The following TUT1 variants were observed in gnomAD, a reference collection of about 807,000 sequenced individuals.
TUT1 encodes the protein speckle targeted PIP5K1A-regulated poly(A) polymerase.
In TUT1, 26 loss-of-function variants were observed where a neutral mutation model predicts 48.8. That is an observed-to-expected ratio of 0.53 (90% CI 0.39 to 0.74). The LOEUF (loss-of-function observed/expected upper bound fraction) is 0.74, where lower values mean the gene tolerates loss of function less well. Ranked by LOEUF, TUT1 falls within the 30% of genes least tolerant of loss-of-function variation. The probability of loss-of-function intolerance (pLI) is 0.00; values close to 1 mark genes in which losing one functional copy is unlikely to be tolerated. For missense variants in TUT1, 1,065 were observed against 1,114.8 expected (o/e 0.96, Z 0.64); for synonymous variants, 470 against 460.8 (o/e 1.02, Z -0.26).
At chr11:62,582,608 G>A in intron 2 of TUT1, 1 of 455,124 alleles carries the variant, frequency 2.2e-6, no homozygotes, top group Non-Finnish European at 4.4e-6. Context: ...TCAAAAAAAA[G>A]TAGAAAAACA....
Position 62,581,216 on chromosome 11 carries a change from G to C in TUT1, c.590-10C>G. ...GGGTGGACCACACAGCCTGGGTGCC[G>C]AGCAGAGAAGAAAGGTCAAGAGAAG... On this transcript the variant is annotated splice_polypyrimidine_tract_variant and intron_variant, in intron 3 of 8. Transcript: ENST00000476907. 2 of 1,612,942 alleles carry C rather than the reference G, an allele frequency of 1.2e-6. No individual in the cohort carries two copies. The highest frequency in any genetic ancestry group is 1.7e-6 in the Non-Finnish European group (2 of 1,179,150).
At chr11:62,576,779 CTG>C (rs914212746) in intron 7 of TUT1, 30 bp from the exon 8 acceptor site, 3 of 1,612,748 alleles carry the variant, frequency 1.9e-6, no homozygotes, top group Non-Finnish European at 2.5e-6. Flanking sequence ...GAGAGTCAGT[CTG>C]GAAGCAAGGA....
chr11:62,582,225 G>A (rs1202505038), intron 2 of TUT1, among the ~76,000 whole-genome samples: 9 of 151,754 alleles, frequency 5.9e-5, no homozygotes, highest in Non-Finnish European at 1.0e-4. Context: ...TCCTAAACTC[G>A]GCCTCCTAAA....
Position 62,575,830 on chromosome 11 carries a change from G to A in TUT1, c.1889C>T (p.Ala630Val). The change falls in exon 9 of 9, where the codon GCA (alanine) becomes GTA (valine). Residue 630 changes from alanine (A) to valine (V), a missense_variant. Ala to Val is a moderately conservative substitution (Grantham distance 64). Coordinates refer to ENST00000476907, the MANE Select transcript of TUT1 (RefSeq NM_022830.3). ...TGCCTGTTCTATATGGCACCCCAGT[G>A]CTTCCCTGAATACCTGCACCAGGGC... The part of the protein sequence containing the change: ...TAALVQVFRE[A>V]LGCHIEQATK... 1 of 1,614,194 alleles carries A rather than the reference G, an allele frequency of 6.2e-7. No individual in the cohort carries two copies. Among genetic ancestry groups the A allele is most frequent in the Non-Finnish European group, 8.5e-7 (1 of 1,180,040 alleles).
Position 62,575,364 on chromosome 11 carries a change from C to G in TUT1, c.2355G>C (p.Leu785Phe). 8 of 1,613,740 alleles carry G rather than the reference C, an allele frequency of 5.0e-6. No individual in the cohort carries two copies. The South Asian group carries it at 8.8e-5, about 18-fold the overall frequency. Reference protein sequence around the residue: ...WQGRRRARRRLQQQTKEGAGG... With the variant: ...WQGRRRARRRFQQQTKEGAGG... ...CAGCTCCCTCCTTGGTTTGCTGCTGCAAGCGTCTACGGGCTCGCCGCCGCC... is the reference window on the plus strand; with the variant it reads ...CAGCTCCCTCCTTGGTTTGCTGCTGGAAGCGTCTACGGGCTCGCCGCCGCC... The change falls in exon 9 of 9, where the codon TTG becomes TTC. Residue 785 changes from leucine (L) to phenylalanine (F), a missense_variant. By Grantham distance (22) the Leu-to-Phe change is conservative (BLOSUM62 0). Coordinates refer to ENST00000476907, the MANE Select transcript of TUT1 (RefSeq NM_022830.3).
Position 62,576,992 on chromosome 11 carries a change from G to A in TUT1, c.1296C>T (p.Tyr432=), listed in dbSNP as rs376013406. Residue 432 remains tyrosine (Y), a synonymous_variant, in exon 7 of 9, where the codon TAC becomes TAT. Transcript: ENST00000476907. ...AATAGATCACCAGCAAGGTCAGGGC[G>A]TAGTTACTGAGAAGGGGGCCACTCC... ...LSGSGPLLSN[Y]ALTLLVIYFL... is the part of the protein sequence containing the mutation. 9.5e-5 allele frequency: 154 copies of A among 1,614,088 alleles called. No individual in the cohort carries two copies. The highest frequency in any genetic ancestry group is 2.2e-4 in the East Asian group (10 of 44,886).
Position 62,589,060 on chromosome 11 carries a change from C to T in TUT1, c.244G>A (p.Val82Met). Residue 82 changes from valine (V) to methionine (M), a missense_variant, in exon 2 of 9, where the codon GTG becomes ATG. Transcript: ENST00000476907. ...TCCTTGTCCATGACAACACTGGCCACAGGTCCAAATGCTAGGAAGTACTCA... is the reference window on the plus strand; with the variant it reads ...TCCTTGTCCATGACAACACTGGCCATAGGTCCAAATGCTAGGAAGTACTCA... Reference protein sequence around the residue: ...LSEYFLAFGPVASVVMDKDKG... With the variant: ...LSEYFLAFGPMASVVMDKDKG... 6.2e-7 allele frequency: 1 copy of T among 1,613,938 alleles called. No homozygotes were observed. Among genetic ancestry groups the T allele is most frequent in the Non-Finnish European group, 8.5e-7 (1 of 1,179,890 alleles).
chr11:62,585,118 G>C (rs771449467), intron 2 of TUT1, among the ~76,000 whole-genome samples: 8 of 151,830 alleles, frequency 5.3e-5, no homozygotes, highest in Non-Finnish European at 1.0e-4. Context: ...CACCTGGCCC[G>C]GCCACACCCT....
intron 2 of TUT1, among the ~76,000 whole-genome samples, chr11:62,588,054 CTTAA>C (rs1009420186): frequency 2.0e-5 from 3 of 152,206 alleles, no homozygotes; most frequent in Admixed American, 6.5e-5. Context: ...ACTATAATTA[CTTAA>C]TTGTTTACTT....
At chr11:62,590,918 A>G (rs186998606) in intron 1 of TUT1, among the ~76,000 whole-genome samples, 39 of 151,962 alleles carry the variant, frequency 2.6e-4, no homozygotes, top group African/African-American at 9.4e-4. Context: ...CCTCACTGGT[A>G]CCTTATGGTC....
chr11:62,578,469 T>C (rs1941766717), intron 5 of TUT1, 92 bp downstream of exon 5: 2 of 1,227,030 alleles, frequency 1.6e-6, no homozygotes, highest in East Asian at 5.0e-5. Flanking sequence ...CACTTCAACC[T>C]GGGAGGCAGA....
intron 1 of TUT1, among the ~76,000 whole-genome samples, chr11:62,590,530 G>A (rs1381822455): frequency 6.6e-6 from 1 of 152,178 alleles, no homozygotes; most frequent in East Asian, 1.9e-4. Context: ...CCGGCTACAC[G>A]GGAGGCTGAG....
At chr11:62,577,378 G>A in intron 5 of TUT1, 87 bp from the exon 6 acceptor site, 1 of 1,018,630 alleles carries the variant, frequency 9.8e-7, no homozygotes, top group South Asian at 1.4e-5. Context: ...TGCATAACTG[G>A]AGCCAGCTGG....
chr11:62,575,598 G>GCT lies in TUT1; in HGVS notation c.2119_2120dup (p.Ser707ArgfsTer11), dbSNP rs1941708439. 1 of 1,614,110 alleles carries GCT rather than the reference G, an allele frequency of 6.2e-7. No homozygotes were observed. Among genetic ancestry groups the GCT allele is most frequent in the South Asian group, 1.1e-5 (1 of 91,086 alleles). On this transcript the variant is annotated frameshift_variant, in exon 9 of 9. Coordinates refer to ENST00000476907, the MANE Select transcript of TUT1 (RefSeq NM_022830.3). LOFTEE classifies it low-confidence loss of function (END_TRUNC). The stretch of plus-strand genomic sequence containing the variant: ...GGGGCAGGTCCCCTGGCTGCCCAGG[G>GCT]CTCTGCATGGCCCAGTCCTGCACCA...
In TUT1 at chr11:62,581,220, A is replaced by T. The variant is rs1350477845; in HGVS notation, c.590-14T>A. 1 of 1,612,906 alleles carries T rather than the reference A, an allele frequency of 6.2e-7. No homozygotes were observed. The highest frequency in any genetic ancestry group is 1.3e-5 in the African/African-American group (1 of 75,008). ...GGACCACACAGCCTGGGTGCCGAGC[A>T]GAGAAGAAAGGTCAAGAGAAGTTAG... On this transcript the variant is annotated splice_polypyrimidine_tract_variant and intron_variant, in intron 3 of 8. Coordinates refer to ENST00000476907, the MANE Select transcript of TUT1 (RefSeq NM_022830.3).
In TUT1 at chr11:62,578,708, G is replaced by A. The variant is rs757277239; in HGVS notation, c.1013C>T (p.Ala338Val). ...GGATCCCACCAGCTCCAGCATTGCTGCCCCCTCTGCTTTCTCCTCCTTTGG... is the reference window on the plus strand; with the variant it reads ...GGATCCCACCAGCTCCAGCATTGCTACCCCCTCTGCTTTCTCCTCCTTTGG... ...ETPKEEKAEGAAMLELVGSIL... is the reference protein window; with the variant it reads ...ETPKEEKAEGVAMLELVGSIL... The change falls in exon 5 of 9, where the codon GCA becomes GTA. Residue 338 changes from alanine (A) to valine (V), a missense_variant. By Grantham distance (64) the Ala-to-Val change is moderately conservative. Transcript: ENST00000476907. 1.9e-6 allele frequency: 3 copies of A among 1,614,184 alleles called. No individual in the cohort carries two copies. In the African/African-American group the frequency reaches 4.0e-5, roughly 22 times the overall value.
intron 1 of TUT1, 88 bp downstream of exon 1, chr11:62,591,316 G>A (rs982646656): frequency 2.1e-6 from 3 of 1,441,064 alleles, no homozygotes; most frequent in Non-Finnish European, 1.8e-6. Context: ...TGACAAGAAC[G>A]ACTGACTACC....
chr11:62,585,503 A>G (rs959331844), intron 2 of TUT1, among the ~76,000 whole-genome samples: 4 of 152,090 alleles, frequency 2.6e-5, no homozygotes, highest in Non-Finnish European at 4.4e-5. Flanking sequence ...AAAACCTCAC[A>G]GAAGGCATCA....
chr11:62,585,387 A>C (rs1941894896), intron 2 of TUT1, among the ~76,000 whole-genome samples: 1 of 152,128 alleles, frequency 6.6e-6, no homozygotes, highest in Non-Finnish European at 1.5e-5. Context: ...ACTCTAATAA[A>C]CCACAGTTTA....
Sources: allele counts gnomAD v4.1 joint callset (sites outside exome capture counted in the v4.1 genomes callset), GRCh38; gene constraint gnomAD v4.1.1; transcripts MANE v1.5; gene names NCBI Gene and HGNC (gene_info 2026-07-23, HGNC 2026-07-21).